Variants in PAK1 observed in about 807,000 individuals in gnomAD.
PAK1 encodes serine/threonine-protein kinase PAK 1.
In PAK1, 29 loss-of-function variants were observed where a neutral mutation model predicts 67.4. The observed-to-expected ratio is 0.43, with a 90% CI of 0.32 to 0.59. PAK1 has a LOEUF of 0.59. Among genes scored for constraint, PAK1 ranks in the 20% least tolerant of loss-of-function variants. The probability of loss-of-function intolerance (pLI) is 0.07; values close to 1 mark genes in which losing one functional copy is unlikely to be tolerated. For synonymous variants in PAK1, 223 were observed against 237.4 expected, an observed-to-expected ratio of 0.94 and a Z score of 0.56; for missense variants, 337 against 670.7, an observed-to-expected ratio of 0.50 and a Z score of 5.50.
chr11:77,411,298 A>G (rs1954482249), intron 1 of PAK1, among the ~76,000 whole-genome samples: 1 of 152,080 alleles, frequency 6.6e-6, no homozygotes, highest in African/African-American at 2.4e-5. Context: ...AACAATGTCA[A>G]GTCCTTCACT....
intron 5 of PAK1, among the ~76,000 whole-genome samples, chr11:77,369,231 T>G (rs1948054426): frequency 6.6e-6 from 1 of 152,072 alleles, no homozygotes; most frequent in African/African-American, 2.4e-5. Flanking sequence ...AACAGGCCCT[T>G]CATCTGAAGA....
intron 1 of PAK1, among the ~76,000 whole-genome samples, chr11:77,449,691 TAAAAAAAAAA>T (rs35907304): frequency 8.8e-6 from 1 of 113,944 alleles, no homozygotes; most frequent in East Asian, 2.6e-4. Flanking sequence ...ATCCTATAGG[TAAAAAAAAAA>T]AAAAAAAAAA....
At chr11:77,349,367 C>G in intron 8 of PAK1, 80 bp from the exon 9 acceptor site, 1 of 1,082,526 alleles carries the variant, frequency 9.2e-7, no homozygotes. Context: ...CAGTTCTACA[C>G]ACAATCTGTG....
chr11:77,464,033 C>G (rs576842259), intron 1 of PAK1, among the ~76,000 whole-genome samples: 2 of 152,098 alleles, frequency 1.3e-5, no homozygotes, highest in Non-Finnish European at 2.9e-5. Flanking sequence ...CAACATATAA[C>G]CAATATAAAA....
intron 1 of PAK1, among the ~76,000 whole-genome samples, chr11:77,393,806 C>G (rs948697760): frequency 2.1e-4 from 32 of 152,028 alleles, no homozygotes; most frequent in Non-Finnish European, 5.9e-5. Context: ...AGTTTGAGAC[C>G]AGCCTGGCCA....
chr11:77,435,831 T>C (rs1406084146), intron 1 of PAK1, among the ~76,000 whole-genome samples: 1 of 152,064 alleles, frequency 6.6e-6, no homozygotes, highest in African/African-American at 2.4e-5. Context: ...TTAATAGACA[T>C]CCCTTATCAC....
chr11:77,501,784 G>A, the PAK1 span, among the ~76,000 whole-genome samples: 1 of 152,186 alleles, frequency 6.6e-6, no homozygotes. Flanking sequence ...CTCAAATATG[G>A]ATGGGAAAGC....
chr11:77,336,366 G>T, intron 12 of PAK1, 84 bp from the exon 13 acceptor site: 1 of 1,035,152 alleles, frequency 9.7e-7, no homozygotes, highest in Non-Finnish European at 1.4e-6. Flanking sequence ...CTACACATAG[G>T]TGACAAGATC....
chr11:77,522,679 A>G, the PAK1 span, among the ~76,000 whole-genome samples: 1 of 152,240 alleles, frequency 6.6e-6, no homozygotes, highest in Non-Finnish European at 1.5e-5. Flanking sequence ...TCAAAGAACT[A>G]AAAATAGAAC....
chr11:77,382,599 A>C (rs574161075), intron 2 of PAK1, among the ~76,000 whole-genome samples: 1 of 152,290 alleles, frequency 6.6e-6, no homozygotes, highest in African/African-American at 2.4e-5. Flanking sequence ...AAAATCCAAA[A>C]TGTAAGCTTC....
intron 14 of PAK1, among the ~76,000 whole-genome samples, chr11:77,325,128 C>A (rs937613306): frequency 6.6e-6 from 1 of 152,210 alleles, no homozygotes; most frequent in Non-Finnish European, 1.5e-5. Flanking sequence ...CATGTTTCTG[C>A]AATTCCCCTA....
the PAK1 span, among the ~76,000 whole-genome samples, chr11:77,487,612 G>A: frequency 6.6e-6 from 1 of 152,062 alleles, no homozygotes; most frequent in Admixed American, 6.6e-5. Flanking sequence ...CAAGTTGACT[G>A]AAGAGCCTTG....
chr11:77,418,119 G>A (rs1007243501), intron 1 of PAK1, among the ~76,000 whole-genome samples: 3 of 151,904 alleles, frequency 2.0e-5, no homozygotes, highest in Admixed American at 1.3e-4. Context: ...AAAGTATCAA[G>A]CAAAAAAATA....
At chr11:77,451,598 T>G (rs1044485434) in intron 1 of PAK1, among the ~76,000 whole-genome samples, 13 of 132,952 alleles carry the variant, frequency 9.8e-5, no homozygotes, top group South Asian at 2.2e-4. Context: ...ATGTCTTTTG[T>G]TTTTTTTTGT....
intron 1 of PAK1, among the ~76,000 whole-genome samples, chr11:77,456,094 T>C (rs1035249070): frequency 2.0e-5 from 3 of 152,162 alleles, no homozygotes; most frequent in African/African-American, 7.2e-5. Context: ...CTGCACATAC[T>C]AGTTTTTGCT....
chr11:77,368,019 G>A (rs567375992), intron 5 of PAK1, among the ~76,000 whole-genome samples: 1 of 152,146 alleles, frequency 6.6e-6, no homozygotes, highest in Non-Finnish European at 1.5e-5. Context: ...TCTAAATGAT[G>A]GAGGTTCCAT....
At chr11:77,369,444 C>CTTTTTTTTTTTTTTTTTTT (rs147630042) in intron 5 of PAK1, among the ~76,000 whole-genome samples, 1 of 86,736 alleles carries the variant, frequency 1.2e-5, no homozygotes, top group Non-Finnish European at 2.1e-5. Context: ...TTATACATTT[C>CTTTTTTTTTTTTTTTTTTT]TTTTTTTTTT....
intron 1 of PAK1, among the ~76,000 whole-genome samples, chr11:77,450,095 TGTGA>T (rs1437551073): frequency 6.6e-6 from 1 of 152,212 alleles, no homozygotes; most frequent in Non-Finnish European, 1.5e-5. Context: ...AGTATTAACT[TGTGA>T]GTATTTGGAA....
At chr11:77,446,366 G>A (rs1217814722) in intron 1 of PAK1, among the ~76,000 whole-genome samples, 1 of 151,996 alleles carries the variant, frequency 6.6e-6, no homozygotes, top group Admixed American at 6.6e-5. Flanking sequence ...ACAAAAATTA[G>A]CCAGGCATGC....
Sources: allele counts gnomAD v4.1 joint callset (sites outside exome capture counted in the v4.1 genomes callset), GRCh38; gene constraint gnomAD v4.1.1; transcripts MANE v1.5; gene names NCBI Gene and HGNC (gene_info 2026-07-23, HGNC 2026-07-21).